DNAJC17: variants seen among roughly 807,000 people sequenced by gnomAD.
DNAJC17 encodes the protein DnaJ heat shock protein family (Hsp40) member C17, also known as dnaJ homolog subfamily C member 17.
Under a neutral mutation model 48.1 loss-of-function variants are expected in DNAJC17, and 35 were observed. The ratio of observed to expected loss-of-function variants is 0.73; its 90% confidence interval spans 0.56 to 0.96. The LOEUF (loss-of-function observed/expected upper bound fraction) is 0.96, where lower values mean the gene tolerates loss of function less well. Ranked by LOEUF, DNAJC17 falls within the 50% of genes least tolerant of loss-of-function variation. DNAJC17 has a pLI of 0.00. For synonymous variants in DNAJC17, 117 were observed against 142.7 expected, an observed-to-expected ratio of 0.82 and a Z score of 1.28; for missense variants, 355 against 377.1, an observed-to-expected ratio of 0.94 and a Z score of 0.48.
intron 1 of DNAJC17, among the ~76,000 whole-genome samples, chr15:40,805,189 A>G (rs978169899): frequency 6.0e-5 from 9 of 151,054 alleles, no homozygotes; most frequent in Admixed American, 3.3e-4. Context: ...TGGCCTGGCC[A>G]ACACGGTGAG....
At chr15:40,806,879 AAT>A (rs143430607) in intron 1 of DNAJC17, among the ~76,000 whole-genome samples, 9,114 of 152,148 alleles carry the variant, frequency 0.06, 618 homozygotes, top group African/African-American at 0.17. Context: ...TGGAAAAGAA[AAT>A]AGAGACAGCA....
Position 40,767,622 on chromosome 15 carries a change from G to GC in DNAJC17, c.*317dup. 1.7e-6 allele frequency: 1 copy of GC among 580,322 alleles called. No homozygotes were observed. The highest frequency in any genetic ancestry group is 3.6e-5 in the Admixed American group (1 of 27,820). 35.9% of individuals were successfully genotyped at this position (580,322 alleles called of 1,614,324 possible). A position where few individuals can be genotyped will look rare whatever the true frequency, so the allele number is the denominator to read the frequency against. On this transcript the variant is annotated 3_prime_UTR_variant, in exon 11 of 11. Coordinates refer to ENST00000220496, the MANE Select transcript of DNAJC17 (RefSeq NM_018163.3). ...TGTAGGCCATGTTCCTCGGGCAGCT[G>GC]CCCCGGGCCGGAGCTGGGCACTCCA...
chr15:40,785,265 T>G (rs890012366), intron 1 of DNAJC17, among the ~76,000 whole-genome samples: 1 of 152,200 alleles, frequency 6.6e-6, no homozygotes, highest in African/African-American at 2.4e-5. Flanking sequence ...TGTATTACTT[T>G]TCAAGTGATA....
chr15:40,770,929 C>T lies in DNAJC17; in HGVS notation c.792+2798G>A. 2 of 1,551,502 alleles carry T rather than the reference C, an allele frequency of 1.3e-6. No homozygotes were observed. Among genetic ancestry groups the T allele is most frequent in the South Asian group, 2.4e-5 (2 of 84,064 alleles). ...ACACCTACCCCAGACCTCAGTGATC[C>T]CTTCCTCTCCTTCAAAGTGGACCTG... On this transcript the variant is annotated intron_variant, in intron 10 of 10. Coordinates refer to ENST00000220496, the MANE Select transcript of DNAJC17 (RefSeq NM_018163.3). The surrounding 1 kb of genome is among the most constrained non-coding windows in gnomAD (Gnocchi z 5.0).
rs1358549259 is a variant in DNAJC17, at chr15:40,769,332, C to T, written c.793-1270G>A. ...CACAGCCAGGTAGGAGGCAACACGG[C>T]CCGGCCTTCAGCAGCCGCTCTCCTG... On this transcript the variant is annotated intron_variant, in intron 10 of 10. Transcript: ENST00000220496. This position sits in a 1 kb window ranked among gnomAD's most constrained non-coding sequence, Gnocchi z 4.2. 6.6e-6 allele frequency among the ~76,000 whole-genome samples: 1 copy of T among 152,206 alleles called. No individual in the cohort carries two copies. Among genetic ancestry groups the T allele is most frequent in the Admixed American group, 6.5e-5 (1 of 15,292 alleles).
intron 1 of DNAJC17, chr15:40,780,635 G>C (rs1367592566): frequency 9.5e-6 from 3 of 317,302 alleles, no homozygotes; most frequent in Non-Finnish European, 1.9e-5. Context: ...CTAACATAGT[G>C]AAACTCCATC....
In DNAJC17 at chr15:40,774,995, A is replaced by C. The variant is rs748120716; in HGVS notation, c.600+36T>G. 33 of 1,610,084 alleles carry C rather than the reference A, an allele frequency of 2.0e-5. No homozygotes were observed. In the Middle Eastern group the frequency reaches 4.9e-4, roughly 24 times the overall value. The stretch of plus-strand genomic sequence containing the variant: ...AGGGTGTGGACTGAGACGTGGACTG[A>C]GATGATAGGAAAGAGTGGACGTCAA... On this transcript the variant is annotated intron_variant, in intron 8 of 10. Transcript: ENST00000220496.
chr15:40,804,139 T>TA (rs1320546837), intron 1 of DNAJC17, among the ~76,000 whole-genome samples: 28 of 150,818 alleles, frequency 1.9e-4, no homozygotes, highest in African/African-American at 6.7e-4. Context: ...GCTTTTTTTT[T>TA]TATATATAGA....
intron 1 of DNAJC17, among the ~76,000 whole-genome samples, chr15:40,788,067 C>T (rs934711912): frequency 7.9e-5 from 12 of 152,222 alleles, no homozygotes; most frequent in Middle Eastern, 3.4e-3. Flanking sequence ...CAAAGCATCC[C>T]GGGTAAATCA....
intron 1 of DNAJC17, among the ~76,000 whole-genome samples, chr15:40,785,098 CAACAACAACAACAA>C (rs1889605734): frequency 6.6e-6 from 1 of 151,818 alleles, no homozygotes; most frequent in South Asian, 2.1e-4. Flanking sequence ...AAGTCCATAA[CAACAACAACAACAA>C]AACAACAACA....
intron 8 of DNAJC17, 30 bp downstream of exon 8, chr15:40,775,001 T>A: frequency 2.5e-6 from 4 of 1,612,414 alleles, no homozygotes; most frequent in Non-Finnish European, 3.4e-6. Flanking sequence ...ACTGAGATGA[T>A]AGGAAAGAGT....
chr15:40,786,404 C>T (rs1308008098), intron 1 of DNAJC17, among the ~76,000 whole-genome samples: 3 of 152,208 alleles, frequency 2.0e-5, no homozygotes, highest in Non-Finnish European at 4.4e-5. Flanking sequence ...TGGCTCACGC[C>T]TGTAATCCCA....
At chr15:40,799,426 C>T (rs1890022127) in intron 1 of DNAJC17, among the ~76,000 whole-genome samples, 1 of 151,736 alleles carries the variant, frequency 6.6e-6, no homozygotes, top group Non-Finnish European at 1.5e-5. Flanking sequence ...GTTAAATCCC[C>T]ATGAAAGGTG....
chr15:40,768,739 G>C (rs1055741409), intron 10 of DNAJC17, among the ~76,000 whole-genome samples: 1 of 152,222 alleles, frequency 6.6e-6, no homozygotes, highest in Non-Finnish European at 1.5e-5. Context: ...GCTCTACAGC[G>C]GGACCTAAGC....
rs148868042 is a variant in DNAJC17 at position 40,774,368 on chromosome 15, G to A, written c.669C>T (p.Thr223=). The change falls in exon 9 of 11, where the codon ACC becomes ACT. Residue 223 remains threonine, a synonymous_variant. Coordinates refer to ENST00000220496, the MANE Select transcript of DNAJC17 (RefSeq NM_018163.3). Reference sequence around the variant, plus strand: ...ATGCAGCACTCACCGCTGCCTTGACGGTTGCAAACTCCACCACAGCAGTGC... The same window carrying A: ...ATGCAGCACTCACCGCTGCCTTGACAGTTGCAAACTCCACCACAGCAGTGC... ...KPGTAVVEFA[T]VKAAELAVQN... 188 of 1,613,974 alleles carry A rather than the reference G, an allele frequency of 1.2e-4. No homozygotes were observed. The African/African-American group carries it at 1.7e-3, about 15-fold the overall frequency.
rs758431413 is a variant in DNAJC17, at chr15:40,770,647, T to A, written c.793-2585A>T. 6 of 1,549,544 alleles carry A rather than the reference T, an allele frequency of 3.9e-6. No individual in the cohort carries two copies. In the African/African-American group the frequency reaches 6.9e-5, roughly 18 times the overall value. On this transcript the variant is annotated intron_variant, in intron 10 of 10. Transcript: ENST00000220496. The surrounding 1 kb of genome is among the most constrained non-coding windows in gnomAD (Gnocchi z 5.0). ...CACGAGGAGTACAGCAACCGAGAAG[T>A]CATCCGGGAGCTACAAGGGAGGCCA...
intron 1 of DNAJC17, among the ~76,000 whole-genome samples, chr15:40,783,720 G>A (rs1355803045): frequency 2.6e-5 from 4 of 151,598 alleles, no homozygotes; most frequent in Non-Finnish European, 4.4e-5. Flanking sequence ...AAAATTAGCC[G>A]GGTGTGGTGG....
chr15:40,781,687 C>T (rs547611757), intron 1 of DNAJC17, among the ~76,000 whole-genome samples: 4 of 151,534 alleles, frequency 2.6e-5, no homozygotes, highest in East Asian at 1.9e-4. Flanking sequence ...TTTGGGAGGC[C>T]GAGACAGGTG....
At chr15:40,774,952 C>T in intron 8 of DNAJC17, 79 bp downstream of exon 8, 1 of 1,443,702 alleles carries the variant, frequency 6.9e-7, no homozygotes, top group East Asian at 2.3e-5. Flanking sequence ...GAAGTTCAGG[C>T]ATTGAGAGCA....
Sources: allele counts gnomAD v4.1 joint callset (sites outside exome capture counted in the v4.1 genomes callset), GRCh38; gene constraint gnomAD v4.1.1; non-coding constraint Gnocchi (gnomAD v3.1); transcripts MANE v1.5; gene names NCBI Gene and HGNC (gene_info 2026-07-23, HGNC 2026-07-21).